Variants in CADM2 observed in about 807,000 individuals in gnomAD.
CADM2 encodes the protein immunoglobulin superfamily member 4D.
A neutral mutation model predicts 49.8 loss-of-function variants in CADM2; 12 were observed. The observed-to-expected ratio is 0.24, with a 90% CI of 0.15 to 0.39. The LOEUF is 0.39. Ranked by LOEUF, CADM2 falls within the 10% of genes least tolerant of loss-of-function variation. CADM2 has a pLI of 1.00. For missense variants in CADM2, 378 were observed against 492.3 expected (o/e 0.77, Z 2.20); for synonymous variants, 214 against 175.4 (o/e 1.22, Z -1.74).
At chr3:85,503,998 G>T (rs2040217081) in intron 1 of CADM2, among the ~76,000 whole-genome samples, 4 of 152,314 alleles carry the variant, frequency 2.6e-5, no homozygotes, top group Admixed American at 2.6e-4. Context: ...TTTATGACAA[G>T]AATCAAACAT....
chr3:85,165,433 C>T lies in CADM2; in HGVS notation c.61+205765C>T, dbSNP rs1285683906. The stretch of plus-strand genomic sequence containing the variant: ...AGGTCCCAAGCTATTTTAAAAATTG[C>T]TCCTAATGTTATTCCACTTTAGGCT... On this transcript the variant is annotated intron_variant, in intron 1 of 9. Coordinates refer to ENST00000383699, the MANE Select transcript of CADM2 (RefSeq NM_001167675.2). Among the ~76,000 whole-genome samples the T allele has an allele frequency of 4.0e-5, 6 of 151,838 alleles. No homozygotes were observed. In the East Asian group the frequency reaches 9.6e-4, roughly 24 times the overall value.
At chr3:86,064,077 T>G (rs1207846027) in intron 8 of CADM2, among the ~76,000 whole-genome samples, 1 of 151,982 alleles carries the variant, frequency 6.6e-6, no homozygotes, top group Non-Finnish European at 1.5e-5. Flanking sequence ...TTATTATACT[T>G]TAAGTTCTAG....
At position 86,067,396 on chromosome 3, in the gene CADM2, T is replaced by C. The variant is rs1209505715; in HGVS notation, c.*613T>C. ...AAGCTGTATCGATTTGCTATTGAAA[T>C]ATAGTATTTGATACAGGAGCCATGT... On this transcript the variant is annotated 3_prime_UTR_variant, in exon 10 of 10. Transcript: ENST00000383699. The C allele has an allele frequency of 1.3e-5, 2 of 152,560 alleles. No individual in the cohort carries two copies. Among genetic ancestry groups the C allele is most frequent in the Non-Finnish European group, 2.9e-5 (2 of 67,996 alleles). 9.5% of individuals were successfully genotyped at this position (152,560 alleles called of 1,614,324 possible). A position where few individuals can be genotyped will look rare whatever the true frequency, so the allele number is the denominator to read the frequency against.
intron 1 of CADM2, among the ~76,000 whole-genome samples, chr3:85,576,713 C>G (rs2062642048): frequency 1.3e-5 from 2 of 151,984 alleles, no homozygotes; most frequent in African/African-American, 4.8e-5. Context: ...TATTTCAAAT[C>G]TCAAATTTTT....
intron 1 of CADM2, among the ~76,000 whole-genome samples, chr3:85,383,724 T>C (rs2034045547): frequency 6.6e-6 from 1 of 151,162 alleles, no homozygotes; most frequent in African/African-American, 2.4e-5. Context: ...TTTAAACTTT[T>C]TATGATTTTA....
intron 8 of CADM2, among the ~76,000 whole-genome samples, chr3:85,977,735 C>G (rs969087418): frequency 5.3e-5 from 8 of 151,534 alleles, no homozygotes; most frequent in Admixed American, 4.6e-4. Context: ...GCACTCCAGG[C>G]TTTACCCATT....
chr3:85,796,260 C>T (rs2071616155), intron 2 of CADM2, among the ~76,000 whole-genome samples: 1 of 152,116 alleles, frequency 6.6e-6, no homozygotes, highest in African/African-American at 2.4e-5. Flanking sequence ...GTTTTGAAAC[C>T]ATTTGGAGCT....
chr3:85,651,142 A>T (rs2065031470), intron 1 of CADM2, among the ~76,000 whole-genome samples: 1 of 152,046 alleles, frequency 6.6e-6, no homozygotes, highest in African/African-American at 2.4e-5. Context: ...AAACTGCCAT[A>T]GCTTGAGTGT....
chr3:85,906,148 A>T (rs893802215), intron 5 of CADM2, among the ~76,000 whole-genome samples: 2 of 152,170 alleles, frequency 1.3e-5, no homozygotes, highest in Admixed American at 1.3e-4. Flanking sequence ...ATTTTCTGCC[A>T]TATGTTATTA....
chr3:85,282,610 G>C (rs1179422359), intron 1 of CADM2, among the ~76,000 whole-genome samples: 1 of 151,684 alleles, frequency 6.6e-6, no homozygotes, highest in African/African-American at 2.4e-5. Context: ...AACTTATATA[G>C]ATTTCGAGAG....
intron 1 of CADM2, among the ~76,000 whole-genome samples, chr3:85,648,958 T>G (rs1288217558): frequency 6.6e-6 from 1 of 152,022 alleles, no homozygotes; most frequent in African/African-American, 2.4e-5. Context: ...AAGAAAGAAA[T>G]AAGCTATTAT....
At chr3:85,059,070 T>C (rs544154286) in intron 1 of CADM2, among the ~76,000 whole-genome samples, 1 of 151,914 alleles carries the variant, frequency 6.6e-6, no homozygotes. Context: ...AAACCCTGTC[T>C]CCACTAAAAA....
intron 2 of CADM2, among the ~76,000 whole-genome samples, chr3:85,776,634 A>G (rs2070374653): frequency 6.6e-6 from 1 of 152,244 alleles, no homozygotes; most frequent in South Asian, 2.1e-4. Context: ...TGACAATAAC[A>G]TACACCTTGA....
chr3:85,313,189 C>G (rs1288400445), intron 1 of CADM2, among the ~76,000 whole-genome samples: 1 of 152,138 alleles, frequency 6.6e-6, no homozygotes, highest in African/African-American at 2.4e-5. Flanking sequence ...AGGGAAGCTT[C>G]TAATACTTCT....
chr3:85,925,242 T>G (rs1719675574), intron 6 of CADM2, among the ~76,000 whole-genome samples: 1 of 152,312 alleles, frequency 6.6e-6, no homozygotes, highest in African/African-American at 2.4e-5. Context: ...ATAATTTATC[T>G]AATTTATTAA....
chr3:85,288,888 A>T (rs1199093511), intron 1 of CADM2, among the ~76,000 whole-genome samples: 1 of 148,722 alleles, frequency 6.7e-6, no homozygotes, highest in Non-Finnish European at 1.5e-5. Flanking sequence ...CTTCCTACAC[A>T]GTACATTCAC....
chr3:86,040,513 C>T (rs562806511), intron 8 of CADM2, among the ~76,000 whole-genome samples: 9 of 151,856 alleles, frequency 5.9e-5, no homozygotes, highest in East Asian at 5.8e-4. Context: ...TTAAATGAAG[C>T]GAGAAGAGAA....
chr3:85,919,559 G>T lies in CADM2; in HGVS notation c.700+7016G>T, dbSNP rs185814902. Among the ~76,000 whole-genome samples the T allele has an allele frequency of 2.2e-3, 339 of 151,914 alleles. 1 individual carries two copies. Among genetic ancestry groups the T allele is most frequent in the African/African-American group, 7.5e-3 (311 of 41,508 alleles). Reference sequence around the variant, plus strand: ...TACTAAAATTATATCTTTTTAAGGGGTTAAATGGTCAATTGACAGTCCTGA... The same window carrying T: ...TACTAAAATTATATCTTTTTAAGGGTTTAAATGGTCAATTGACAGTCCTGA... On this transcript the variant is annotated intron_variant, in intron 6 of 9. Coordinates refer to ENST00000383699, the MANE Select transcript of CADM2 (RefSeq NM_001167675.2).
At chr3:85,221,277 T>C (rs935778121) in intron 1 of CADM2, among the ~76,000 whole-genome samples, 1 of 152,100 alleles carries the variant, frequency 6.6e-6, no homozygotes, top group Admixed American at 6.6e-5. Context: ...TGTCCATAGC[T>C]CTGTAAGACT....
Sources: allele counts gnomAD v4.1 joint callset (sites outside exome capture counted in the v4.1 genomes callset), GRCh38; gene constraint gnomAD v4.1.1; transcripts MANE v1.5; gene names NCBI Gene and HGNC (gene_info 2026-07-23, HGNC 2026-07-21).